SDK1: variants seen among roughly 807,000 people sequenced by gnomAD.
SDK1 encodes protein sidekick-1.
Under a neutral mutation model 245.5 loss-of-function variants are expected in SDK1, and 157 were observed. The ratio of observed to expected loss-of-function variants is 0.64; its 90% confidence interval spans 0.56 to 0.73. SDK1 has a LOEUF of 0.73. Ranked by LOEUF, SDK1 falls within the 30% of genes least tolerant of loss-of-function variation. The probability of loss-of-function intolerance (pLI) is 0.00; values close to 1 mark genes in which losing one functional copy is unlikely to be tolerated. For missense variants in SDK1, 3,583 were observed against 3,002.3 expected (o/e 1.19, Z -4.52); for synonymous variants, 1,647 against 1,278.5 (o/e 1.29, Z -6.15).
chr7:3,842,568 T>G (rs558744064), intron 5 of SDK1, among the ~76,000 whole-genome samples: 4 of 152,156 alleles, frequency 2.6e-5, no homozygotes, highest in African/African-American at 7.2e-5. Flanking sequence ...GAAATCTGTC[T>G]GGAACCCAGG....
At chr7:3,872,077 C>A (rs58436415) in intron 5 of SDK1, among the ~76,000 whole-genome samples, 7,091 of 152,054 alleles carry the variant, frequency 0.047, 529 homozygotes, top group African/African-American at 0.16. Context: ...CTTATTTAGT[C>A]TGTTAATTTG....
At chr7:4,049,829 T>C (rs553995593) in intron 18 of SDK1, among the ~76,000 whole-genome samples, 2 of 152,160 alleles carry the variant, frequency 1.3e-5, no homozygotes, top group Non-Finnish European at 1.5e-5. Flanking sequence ...GCAAAGGGAA[T>C]GGTGTGAGTG....
intron 14 of SDK1, among the ~76,000 whole-genome samples, chr7:4,006,774 A>G (rs912010338): frequency 3.9e-5 from 6 of 152,334 alleles, no homozygotes; most frequent in Middle Eastern, 6.8e-3. Flanking sequence ...ATGCAGAGGT[A>G]ATTAATAGGC....
In SDK1 at chr7:3,974,397, C is replaced by A; in HGVS notation, c.1846C>A (p.Leu616Met). ...CGTTTGGAAGAAGGACAACGTGGCCCTGACTCCATCGAGCACGTCTAGGAT... is the reference window on the plus strand; with the variant it reads ...CGTTTGGAAGAAGGACAACGTGGCCATGACTCCATCGAGCACGTCTAGGAT... The part of the protein sequence containing the change: ...RYVWKKDNVA[L>M]TPSSTSRIVV... Residue 616 changes from leucine (L) to methionine (M), a missense_variant, in exon 13 of 45, where the codon CTG (leucine) becomes ATG (methionine). Transcript: ENST00000404826. 3 of 1,613,938 alleles carry A rather than the reference C, an allele frequency of 1.9e-6. No homozygotes were observed. The highest frequency in any genetic ancestry group is 1.1e-5 in the South Asian group (1 of 91,034).
chr7:4,250,633 C>G (rs1787234497), intron 44 of SDK1, among the ~76,000 whole-genome samples: 1 of 152,208 alleles, frequency 6.6e-6, no homozygotes, highest in African/African-American at 2.4e-5. Context: ...GCATGAGCCA[C>G]TGTGCCCGGC....
At chr7:4,176,359 G>T (rs921139178) in intron 34 of SDK1, among the ~76,000 whole-genome samples, 2 of 151,936 alleles carry the variant, frequency 1.3e-5, no homozygotes, top group Non-Finnish European at 2.9e-5. Context: ...TTAAGAGACG[G>T]GTTCTTGCTA....
intron 13 of SDK1, among the ~76,000 whole-genome samples, chr7:3,982,017 A>G (rs192299645): frequency 1.8e-4 from 27 of 152,320 alleles, no homozygotes; most frequent in Admixed American, 1.2e-3. Flanking sequence ...GGAGAAATCA[A>G]TGTCTGGTTT....
At chr7:3,756,882 G>C (rs995669026) in intron 4 of SDK1, among the ~76,000 whole-genome samples, 1 of 152,108 alleles carries the variant, frequency 6.6e-6, no homozygotes, top group South Asian at 2.1e-4. Flanking sequence ...CGGGGGCACC[G>C]GTCATCACCA....
At chr7:3,369,267 A>G (rs1212593490) in intron 1 of SDK1, among the ~76,000 whole-genome samples, 2 of 152,068 alleles carry the variant, frequency 1.3e-5, no homozygotes, top group African/African-American at 4.8e-5. Flanking sequence ...GCTGGTCTCA[A>G]ACTCCTTAAG....
Position 3,987,436 on chromosome 7 carries a change from T to C in SDK1, c.2131+114T>C. 4.5e-6 allele frequency: 5 copies of C among 1,115,698 alleles called. No individual in the cohort carries two copies. In the South Asian group the frequency reaches 7.2e-5, roughly 16 times the overall value. The allele number at this position is 1,115,698 out of a possible 1,614,324, so 69.1% of individuals were successfully genotyped here. ...ACCCAAAACAACTACTAAAATGCTGTAATGCTTTACAGGGTTTCAAACACA... is the reference window on the plus strand; with the variant it reads ...ACCCAAAACAACTACTAAAATGCTGCAATGCTTTACAGGGTTTCAAACACA... On this transcript the variant is annotated intron_variant, in intron 14 of 44. Transcript: ENST00000404826.
In SDK1 at chr7:3,402,145, G is replaced by A. The variant is rs144931160; in HGVS notation, c.298+100261G>A. 4.5e-3 allele frequency among the ~76,000 whole-genome samples: 690 copies of A among 152,276 alleles called. 7 individuals are homozygous for A. The highest frequency in any genetic ancestry group is 0.016 in the African/African-American group (657 of 41,548). ...AGAAAATAATATGCGGAAAATAAAT[G>A]CAAAAAGAACTTGAGAAAGCTTCAT... On this transcript the variant is annotated intron_variant, in intron 1 of 44. Coordinates refer to ENST00000404826, the MANE Select transcript of SDK1 (RefSeq NM_152744.4).
chr7:3,605,440 C>T (rs1394330742), intron 1 of SDK1, among the ~76,000 whole-genome samples: 4 of 152,188 alleles, frequency 2.6e-5, no homozygotes, highest in Non-Finnish European at 2.9e-5. Context: ...TCATCTACTT[C>T]ATTGCTCAGG....
intron 35 of SDK1, among the ~76,000 whole-genome samples, chr7:4,203,246 G>C (rs1783996409): frequency 6.6e-6 from 1 of 152,196 alleles, no homozygotes; most frequent in Non-Finnish European, 1.5e-5. Flanking sequence ...ATGGCTGTCA[G>C]GTGAGGGTCC....
intron 1 of SDK1, among the ~76,000 whole-genome samples, chr7:3,518,538 C>CTCAAAA (rs916049036): frequency 6.6e-6 from 1 of 151,810 alleles, no homozygotes; most frequent in African/African-American, 2.4e-5. Context: ...ACACACATTT[C>CTCAAAA]TCAAAATAAT....
chr7:3,425,076 C>A (rs939484387), intron 1 of SDK1, among the ~76,000 whole-genome samples: 1 of 150,384 alleles, frequency 6.6e-6, no homozygotes, highest in African/African-American at 2.4e-5. Context: ...AATCTTGAGG[C>A]CTATGTTTTT....
chr7:4,051,659 GC>G lies in SDK1; in HGVS notation c.2745del (p.Glu916ArgfsTer20), dbSNP rs1562731979. 6.2e-7 allele frequency: 1 copy of G among 1,610,762 alleles called. No individual in the cohort carries two copies. Among genetic ancestry groups the G allele is most frequent in the Non-Finnish European group, 8.5e-7 (1 of 1,178,640 alleles). On this transcript the variant is annotated frameshift_variant, in exon 19 of 45. Coordinates refer to ENST00000404826, the MANE Select transcript of SDK1 (RefSeq NM_152744.4). LOFTEE classifies it high-confidence loss of function. ...GYKLLAWPAD[A>X]PEAVTVVTIA... ...TCAGCTTCTGGCATGGCCGGCAGAT[GC>G]CCCCGAGGCTGTCACTGTGGTCACT...
chr7:3,496,602 T>G (rs1782033662), intron 1 of SDK1, among the ~76,000 whole-genome samples: 1 of 152,178 alleles, frequency 6.6e-6, no homozygotes, highest in African/African-American at 2.4e-5. Context: ...AAGTGAAAAT[T>G]TAAAACAGGA....
intron 4 of SDK1, among the ~76,000 whole-genome samples, chr7:3,720,217 T>C (rs756881798): frequency 3.0e-4 from 46 of 151,952 alleles, no homozygotes; most frequent in Non-Finnish European, 3.8e-4. Context: ...GATTGTGCCA[T>C]TGCACTCCAG....
intron 30 of SDK1, 122 bp from the exon 31 acceptor site, chr7:4,158,326 G>A: frequency 1.4e-6 from 1 of 729,018 alleles, no homozygotes; most frequent in Non-Finnish European, 2.3e-6. Flanking sequence ...GGCCCACACA[G>A]GAGCCCAGAG....
Sources: allele counts gnomAD v4.1 joint callset (sites outside exome capture counted in the v4.1 genomes callset), GRCh38; gene constraint gnomAD v4.1.1; transcripts MANE v1.5; gene names NCBI Gene and HGNC (gene_info 2026-07-23, HGNC 2026-07-21).